NPNT: variants seen among roughly 807,000 people sequenced by gnomAD.
NPNT encodes nephronectin, also known as preosteoblast EGF-like repeat protein with MAM domain.
A neutral mutation model predicts 68.6 loss-of-function variants in NPNT; 45 were observed. The observed-to-expected ratio is 0.66, with a 90% CI of 0.52 to 0.84. The LOEUF is 0.84. Among genes scored for constraint, NPNT ranks in the 40% least tolerant of loss-of-function variants. NPNT has a pLI of 0.00. For missense variants in NPNT, 672 were observed against 714.8 expected (o/e 0.94, Z 0.68); for synonymous variants, 233 against 253.3 (o/e 0.92, Z 0.76).
chr4:105,955,780 A>G (rs1324302611), intron 8 of NPNT, among the ~76,000 whole-genome samples: 1 of 151,380 alleles, frequency 6.6e-6, no homozygotes, highest in East Asian at 1.9e-4. Flanking sequence ...TTCACTTAAT[A>G]TTTTCACATA....
intron 1 of NPNT, 172 bp downstream of exon 1, chr4:105,895,895 C>T: frequency 1.6e-6 from 1 of 606,704 alleles, no homozygotes; most frequent in East Asian, 3.1e-5. Flanking sequence ...CTCCGAGTGC[C>T]CGCCCGAGGC....
rs149812384 is a variant in NPNT, at chr4:105,916,791, G to A, written c.173-10545G>A. Among the ~76,000 whole-genome samples, 40 of 152,040 alleles carry A rather than the reference G, an allele frequency of 2.6e-4. 1 individual carries two copies. In the East Asian group the frequency reaches 5.0e-3, roughly 19 times the overall value. On this transcript the variant is annotated intron_variant, in intron 2 of 11. Coordinates refer to ENST00000379987, the MANE Select transcript of NPNT (RefSeq NM_001033047.3). Reference sequence around the variant, plus strand: ...GAGGCAGTGTCTTATACATCTTTACGCCAGTATAACAGCTTCTGCAATGCC... The same window carrying A: ...GAGGCAGTGTCTTATACATCTTTACACCAGTATAACAGCTTCTGCAATGCC...
intron 3 of NPNT, among the ~76,000 whole-genome samples, chr4:105,931,398 CTT>C (rs995598212): frequency 3.3e-5 from 5 of 152,020 alleles, no homozygotes; most frequent in African/African-American, 1.2e-4. Flanking sequence ...GAATTGGAGT[CTT>C]TTAGGTCAGA....
At chr4:105,906,539 G>C (rs1437768090) in intron 2 of NPNT, among the ~76,000 whole-genome samples, 2 of 152,214 alleles carry the variant, frequency 1.3e-5, no homozygotes, top group Non-Finnish European at 2.9e-5. Context: ...AGCTGTGATG[G>C]ATGAACTGTA....
At chr4:105,949,140 T>G (rs1345188581) in intron 8 of NPNT, among the ~76,000 whole-genome samples, 1 of 152,146 alleles carries the variant, frequency 6.6e-6, no homozygotes, top group Non-Finnish European at 1.5e-5. Flanking sequence ...AGTTCTTAGG[T>G]CAAATACATT....
intron 2 of NPNT, among the ~76,000 whole-genome samples, chr4:105,913,642 C>T (rs1302323379): frequency 2.0e-5 from 3 of 152,180 alleles, no homozygotes; most frequent in African/African-American, 7.2e-5. Flanking sequence ...CCGAGTTTTA[C>T]TAGGATCCAT....
intron 2 of NPNT, among the ~76,000 whole-genome samples, chr4:105,907,111 A>G (rs920146388): frequency 1.3e-5 from 2 of 152,190 alleles, no homozygotes; most frequent in Non-Finnish European, 2.9e-5. Flanking sequence ...GTTGATTTAT[A>G]TAAGTTGCTT....
At chr4:105,923,320 T>G (rs563097683) in intron 2 of NPNT, among the ~76,000 whole-genome samples, 2 of 152,146 alleles carry the variant, frequency 1.3e-5, no homozygotes, top group Admixed American at 6.6e-5. Flanking sequence ...ATAAAGTTTT[T>G]TTTTTACATT....
chr4:105,924,621 C>T (rs1378173622), intron 2 of NPNT, among the ~76,000 whole-genome samples: 1 of 151,994 alleles, frequency 6.6e-6, no homozygotes, highest in African/African-American at 2.4e-5. Flanking sequence ...TTGATGTGCT[C>T]AAGATTAGGG....
intron 3 of NPNT, chr4:105,932,775 C>G (rs932774895): frequency 5.5e-6 from 6 of 1,085,048 alleles, no homozygotes; most frequent in Non-Finnish European, 8.1e-6. Flanking sequence ...TCACTTCTTG[C>G]AAATGTTCTG....
chr4:105,943,547 T>C (rs1037312214), intron 8 of NPNT, among the ~76,000 whole-genome samples: 4 of 152,130 alleles, frequency 2.6e-5, no homozygotes, highest in Non-Finnish European at 5.9e-5. Context: ...GCACCACCAA[T>C]GGAGATAGAG....
intron 3 of NPNT, chr4:105,932,674 A>G: frequency 6.5e-7 from 1 of 1,535,998 alleles, no homozygotes; most frequent in Non-Finnish European, 8.7e-7. Flanking sequence ...CAACCCCTGG[A>G]TCACCAAGCC....
chr4:105,898,319 T>TCC (rs1726075940), intron 2 of NPNT, among the ~76,000 whole-genome samples: 2 of 129,284 alleles, frequency 1.5e-5, no homozygotes, highest in African/African-American at 7.6e-5. Context: ...TCTGTCTCTC[T>TCC]CTCTCTCTGT....
chr4:105,945,073 TA>T (rs774638971), intron 8 of NPNT, among the ~76,000 whole-genome samples: 9 of 152,348 alleles, frequency 5.9e-5, no homozygotes, highest in Non-Finnish European at 8.8e-5. Flanking sequence ...TAGGTGATGT[TA>T]ATTATGGCCA....
At chr4:105,959,364 C>A (rs1731497203) in intron 10 of NPNT, among the ~76,000 whole-genome samples, 2 of 152,110 alleles carry the variant, frequency 1.3e-5, no homozygotes, top group South Asian at 2.1e-4. Flanking sequence ...CAACTAATTT[C>A]TCTCAAAAAG....
At chr4:105,918,638 T>A (rs959230818) in intron 2 of NPNT, among the ~76,000 whole-genome samples, 2 of 152,176 alleles carry the variant, frequency 1.3e-5, no homozygotes, top group Non-Finnish European at 2.9e-5. Flanking sequence ...CATGCATCTG[T>A]TATCAGGACA....
chr4:105,932,668 C>T, intron 3 of NPNT: 2 of 1,535,994 alleles, frequency 1.3e-6, no homozygotes, highest in Non-Finnish European at 1.7e-6. Flanking sequence ...CTTTTCCAAC[C>T]CCTGGATCAC....
At chr4:105,954,373 A>C (rs1731057583) in intron 8 of NPNT, among the ~76,000 whole-genome samples, 1 of 152,186 alleles carries the variant, frequency 6.6e-6, no homozygotes, top group Non-Finnish European at 1.5e-5. Context: ...GATTCTGGGG[A>C]CATTTTCTAA....
intron 3 of NPNT, among the ~76,000 whole-genome samples, chr4:105,935,712 G>A (rs1729441566): frequency 6.6e-6 from 1 of 152,098 alleles, no homozygotes; most frequent in South Asian, 2.1e-4. Flanking sequence ...GCCCAGCTCG[G>A]GGTCTGCTTA....
Sources: allele counts gnomAD v4.1 joint callset (sites outside exome capture counted in the v4.1 genomes callset), GRCh38; gene constraint gnomAD v4.1.1; transcripts MANE v1.5; gene names NCBI Gene and HGNC (gene_info 2026-07-23, HGNC 2026-07-21).